SEMA5A: variants seen among roughly 807,000 people sequenced by gnomAD.
The protein encoded by SEMA5A is semaphorin 5A.
In SEMA5A, 55 loss-of-function variants were observed where a neutral mutation model predicts 135.5. The ratio of observed to expected loss-of-function variants is 0.41; its 90% confidence interval spans 0.33 to 0.51. The LOEUF (loss-of-function observed/expected upper bound fraction) is 0.51, where lower values mean the gene tolerates loss of function less well. Ranked by LOEUF, SEMA5A falls within the 20% of genes least tolerant of loss-of-function variation. The pLI is 0.37. For missense variants in SEMA5A, 1,290 were observed against 1,419.9 expected (o/e 0.91, Z 1.47); for synonymous variants, 580 against 546.5 (o/e 1.06, Z -0.85).
At chr5:9,124,449 C>G (rs1187525293) in intron 13 of SEMA5A, among the ~76,000 whole-genome samples, 1 of 152,094 alleles carries the variant, frequency 6.6e-6, no homozygotes. Context: ...AAGTCTAAGC[C>G]TCCTGTTTTG....
At chr5:9,318,319 G>C (rs1579335191) in intron 5 of SEMA5A, 53 bp downstream of exon 5, 11 of 1,524,034 alleles carry the variant, frequency 7.2e-6, no homozygotes, top group Non-Finnish European at 1.0e-5. Flanking sequence ...CCCTCAAACA[G>C]TGAGTTAATT....
At position 9,349,622 on chromosome 5, in the gene SEMA5A, G is replaced by A. The variant is rs564746264; in HGVS notation, c.125-11810C>T. ...TGTTAAAATGCTGTTAAAGAGGGTT[G>A]GGCACGGTGGCTCACGTCTGTAATC... On this transcript the variant is annotated intron_variant, in intron 3 of 22. Transcript: ENST00000382496. Among the ~76,000 whole-genome samples, 4 of 152,242 alleles carry A rather than the reference G, an allele frequency of 2.6e-5. No homozygotes were observed. In the East Asian group the frequency reaches 7.7e-4, roughly 29 times the overall value.
At chr5:9,472,300 T>C (rs1006592970) in intron 1 of SEMA5A, among the ~76,000 whole-genome samples, 2 of 152,212 alleles carry the variant, frequency 1.3e-5, no homozygotes, top group African/African-American at 4.8e-5. Flanking sequence ...CTTTTGAGCA[T>C]AAGAAAGACA....
intron 1 of SEMA5A, among the ~76,000 whole-genome samples, chr5:9,531,128 T>C (rs1737409471): frequency 6.6e-6 from 1 of 152,170 alleles, no homozygotes; most frequent in Non-Finnish European, 1.5e-5. Context: ...TGGGAGTCCT[T>C]GTGAGACCTC....
intron 1 of SEMA5A, among the ~76,000 whole-genome samples, chr5:9,511,179 G>A (rs1209575888): frequency 1.3e-5 from 2 of 152,126 alleles, no homozygotes; most frequent in Non-Finnish European, 2.9e-5. Context: ...TTGGAGTGAT[G>A]AATTTTATAG....
At chr5:9,155,493 T>C (rs1742905095) in intron 11 of SEMA5A, among the ~76,000 whole-genome samples, 1 of 151,092 alleles carries the variant, frequency 6.6e-6, no homozygotes, top group Non-Finnish European at 1.5e-5. Context: ...TACCCTGTGC[T>C]GCACCCCGCA....
At chr5:9,090,916 C>T in intron 16 of SEMA5A, among the ~76,000 whole-genome samples, 1 of 152,200 alleles carries the variant, frequency 6.6e-6, no homozygotes, top group South Asian at 2.1e-4. Context: ...TATCTGTCCT[C>T]CACTGAGATA....
At chr5:9,406,298 A>G (rs1400503980) in intron 2 of SEMA5A, among the ~76,000 whole-genome samples, 1 of 152,212 alleles carries the variant, frequency 6.6e-6, no homozygotes, top group Non-Finnish European at 1.5e-5. Flanking sequence ...AGGCTTCTAA[A>G]AGGCTGGCCA....
chr5:9,418,328 C>T (rs1432288369), intron 2 of SEMA5A, among the ~76,000 whole-genome samples: 2 of 152,176 alleles, frequency 1.3e-5, no homozygotes, highest in Admixed American at 1.3e-4. Flanking sequence ...TCCACTCTTA[C>T]AACCTAATCA....
chr5:9,233,000 T>A (rs1747717775), intron 6 of SEMA5A, among the ~76,000 whole-genome samples: 1 of 152,318 alleles, frequency 6.6e-6, no homozygotes, highest in African/African-American at 2.4e-5. Context: ...TTTACCAGCA[T>A]AATTTGACAA....
chr5:9,159,639 T>C (rs1743139076), intron 11 of SEMA5A, among the ~76,000 whole-genome samples: 1 of 152,210 alleles, frequency 6.6e-6, no homozygotes, highest in South Asian at 2.1e-4. Flanking sequence ...TGGAAGACAG[T>C]ATGATGATTC....
At chr5:9,445,036 A>G (rs1483254550) in intron 1 of SEMA5A, among the ~76,000 whole-genome samples, 1 of 152,224 alleles carries the variant, frequency 6.6e-6, no homozygotes, top group Non-Finnish European at 1.5e-5. Context: ...AAACACACAC[A>G]CATATTTACA....
chr5:9,046,201 C>CCAGGGTGAGGGG (rs1561097391), intron 21 of SEMA5A, among the ~76,000 whole-genome samples: 1 of 152,180 alleles, frequency 6.6e-6, no homozygotes, highest in Non-Finnish European at 1.5e-5. Flanking sequence ...CCACACACCA[C>CCAGGGTGAGGGG]CAGGGTGAGG....
intron 5 of SEMA5A, among the ~76,000 whole-genome samples, chr5:9,243,343 C>G (rs561196406): frequency 6.6e-6 from 1 of 152,250 alleles, no homozygotes; most frequent in South Asian, 2.1e-4. Flanking sequence ...TTTTCTTTGT[C>G]CAAATGTTCC....
rs140739804 is a variant in SEMA5A at position 9,237,691 on chromosome 5, G to A, written c.333+137C>T. 756 of 629,322 alleles carry A rather than the reference G, an allele frequency of 1.2e-3. 5 individuals are homozygous for A. In the East Asian group the frequency reaches 0.013, roughly 10 times the overall value. The allele number at this position is 629,322 out of a possible 1,614,324, so 39.0% of individuals were successfully genotyped here. A position where few individuals can be genotyped will look rare whatever the true frequency, so the allele number is the denominator to read the frequency against. ...AGTATTAAAAACTTGAGAATATACC[G>A]TATACATATTTTGAATCTTGCTTTT... is the stretch of plus-strand genomic sequence containing the variant. On this transcript the variant is annotated intron_variant, in intron 6 of 22. Transcript: ENST00000382496.
intron 5 of SEMA5A, among the ~76,000 whole-genome samples, chr5:9,276,597 G>T (rs1331651798): frequency 1.3e-5 from 2 of 152,100 alleles, no homozygotes; most frequent in Admixed American, 6.5e-5. Flanking sequence ...GTATGGTACT[G>T]GTACCAAAAC....
Position 9,139,884 on chromosome 5 carries a change from T to C in SEMA5A, c.1482-3263A>G, listed in dbSNP as rs536121119. Among the ~76,000 whole-genome samples, 41 of 152,358 alleles carry C rather than the reference T, an allele frequency of 2.7e-4. No individual in the cohort carries two copies. The Middle Eastern group carries it at 0.024, about 88-fold the overall frequency. ...GAAACATCACTCCCCCGATTCCTTC[T>C]GATTCTTCTAAGGTATCATTTTTTG... On this transcript the variant is annotated intron_variant, in intron 12 of 22. Transcript: ENST00000382496.
At chr5:9,353,089 GAAAGGAAGGAAGGA>G (rs1754212397) in intron 3 of SEMA5A, among the ~76,000 whole-genome samples, 7 of 12,998 alleles carry the variant, frequency 5.4e-4, no homozygotes, top group African/African-American at 1.4e-3. Flanking sequence ...GAAAGGAAAG[GAAAGGAAGGAAGGA>G]AAGGAAAGGA....
At chr5:9,378,012 G>A (rs1755438518) in intron 3 of SEMA5A, among the ~76,000 whole-genome samples, 1 of 152,100 alleles carries the variant, frequency 6.6e-6, no homozygotes, top group Non-Finnish European at 1.5e-5. Flanking sequence ...GGCTTAAAAT[G>A]CTATAATTTC....
Sources: allele counts gnomAD v4.1 joint callset (sites outside exome capture counted in the v4.1 genomes callset), GRCh38; gene constraint gnomAD v4.1.1; transcripts MANE v1.5; gene names NCBI Gene and HGNC (gene_info 2026-07-23, HGNC 2026-07-21).